Variants in DYRK1A observed in about 807,000 individuals in gnomAD.
The protein encoded by DYRK1A is dual specificity tyrosine-phosphorylation-regulated kinase 1A.
DYRK1A carries 9 observed loss-of-function variants against 79.7 expected under a neutral mutation model. The ratio of observed to expected loss-of-function variants is 0.11; its 90% CI spans 0.07 to 0.20. DYRK1A has a LOEUF of 0.20. Among genes scored for constraint, DYRK1A ranks in the 10% least tolerant of loss-of-function variants. DYRK1A has a pLI of 1.00. For synonymous variants in DYRK1A, 349 were observed against 329.7 expected (o/e 1.06, Z -0.63); for missense variants, 622 against 956.0 (o/e 0.65, Z 4.61).
chr21:37,496,069 A>G (rs2053259200), intron 8 of DYRK1A, 49 bp from the exon 9 acceptor site: 1 of 1,559,984 alleles, frequency 6.4e-7, no homozygotes, highest in Non-Finnish European at 8.7e-7. Context: ...GAGCAGGAGT[A>G]GATGTACAGT....
At chr21:37,410,891 T>C (rs1391627289) in intron 1 of DYRK1A, among the ~76,000 whole-genome samples, 4 of 151,638 alleles carry the variant, frequency 2.6e-5, no homozygotes, top group Non-Finnish European at 5.9e-5. Flanking sequence ...CTACTAAAAA[T>C]AGAAAAAATT....
intron 1 of DYRK1A, among the ~76,000 whole-genome samples, chr21:37,418,704 A>T (rs1050875178): frequency 2.0e-5 from 3 of 152,236 alleles, no homozygotes; most frequent in African/African-American, 7.2e-5. Context: ...TCTTGATTCA[A>T]TTATTTTTAC....
chr21:37,461,069 G>T (rs1050723159), intron 2 of DYRK1A, among the ~76,000 whole-genome samples: 1 of 152,128 alleles, frequency 6.6e-6, no homozygotes. Flanking sequence ...CCCTTTTACT[G>T]TAGGGTTAAG....
chr21:37,461,860 C>CTT (rs113876525), intron 2 of DYRK1A, among the ~76,000 whole-genome samples: 10 of 125,884 alleles, frequency 7.9e-5, no homozygotes, highest in African/African-American at 2.8e-4. Flanking sequence ...TGACTTTTTC[C>CTT]TTTTTTTTTT....
intron 6 of DYRK1A, chr21:37,488,731 T>G (rs1389598543): frequency 5.1e-6 from 5 of 985,294 alleles, no homozygotes; most frequent in Non-Finnish European, 4.8e-6. Context: ...TGGACGAACA[T>G]TGTGATCACA....
At chr21:37,410,319 G>A (rs1292260196) in intron 1 of DYRK1A, among the ~76,000 whole-genome samples, 2 of 152,166 alleles carry the variant, frequency 1.3e-5, no homozygotes, top group Non-Finnish European at 2.9e-5. Context: ...TGTTTCTTCA[G>A]AATGTAGCAA....
At chr21:37,383,955 C>G (rs904154293) in intron 1 of DYRK1A, among the ~76,000 whole-genome samples, 11 of 152,082 alleles carry the variant, frequency 7.2e-5, no homozygotes, top group African/African-American at 2.7e-4. Flanking sequence ...CTGTAAACAT[C>G]TAGAAAACTG....
chr21:37,460,203 G>A (rs2148524228), intron 2 of DYRK1A, among the ~76,000 whole-genome samples: 1 of 152,038 alleles, frequency 6.6e-6, no homozygotes. Context: ...CTAAAATTCG[G>A]CAGATTGTAT....
rs182337437 is a variant in DYRK1A, at chr21:37,427,258, C to T, written c.10+6874C>T. ...TCCCAAGTAGCTAGGACTGCAGGCA[C>T]GTGCTGCCACACCTGGCTAACTTCT... On this transcript the variant is annotated intron_variant, in intron 2 of 11. Coordinates refer to ENST00000647188, the MANE Select transcript of DYRK1A (RefSeq NM_001347721.2). 1.9e-3 allele frequency among the ~76,000 whole-genome samples: 291 copies of T among 152,280 alleles called. 1 individual carries two copies. The highest frequency in any genetic ancestry group is 2.7e-3 in the Non-Finnish European group (186 of 68,012).
chr21:37,503,789 C>G (rs1419699317), intron 9 of DYRK1A: 3 of 152,102 alleles, frequency 2.0e-5, no homozygotes, highest in Non-Finnish European at 4.4e-5. Flanking sequence ...ATGTTGTCCA[C>G]TTTTGAACTA....
At chr21:37,508,923 CCTTT>C (rs1555992780) in intron 11 of DYRK1A, among the ~76,000 whole-genome samples, 1 of 152,188 alleles carries the variant, frequency 6.6e-6, no homozygotes, top group Non-Finnish European at 1.5e-5. Context: ...TGTCTTCTTC[CCTTT>C]CTTTCTTCCA....
At chr21:37,410,344 T>C (rs2050220630) in intron 1 of DYRK1A, among the ~76,000 whole-genome samples, 1 of 152,216 alleles carries the variant, frequency 6.6e-6, no homozygotes, top group African/African-American at 2.4e-5. Context: ...CAGTGTGAAC[T>C]TAAGTTGGTA....
chr21:37,518,779 CTAA>C lies in DYRK1A; in HGVS notation c.*6251_*6253del, dbSNP rs767815451. 6.6e-5 allele frequency: 10 copies of C among 151,438 alleles called. No individual in the cohort carries two copies. The highest frequency in any genetic ancestry group is 1.2e-4 in the Non-Finnish European group (8 of 67,798). The allele number at this position is 151,438 out of a possible 1,614,324, so 9.4% of individuals were successfully genotyped here. On this transcript the variant is annotated 3_prime_UTR_variant, in exon 12 of 12. Coordinates refer to ENST00000647188, the MANE Select transcript of DYRK1A (RefSeq NM_001347721.2). ...TACAGGTGCACACCACCACACCCAG[CTAA>C]TAGTATTTTTGATAGAGAGGGGGTT...
At chr21:37,473,976 C>A (rs2052315013) in intron 3 of DYRK1A, among the ~76,000 whole-genome samples, 1 of 152,168 alleles carries the variant, frequency 6.6e-6, no homozygotes, top group African/African-American at 2.4e-5. Context: ...CACGATGATC[C>A]ATTTGCACTT....
At chr21:37,467,116 AAAAAAC>A (rs983738778) in intron 2 of DYRK1A, among the ~76,000 whole-genome samples, 62 of 151,302 alleles carry the variant, frequency 4.1e-4, no homozygotes, top group African/African-American at 1.4e-3. Context: ...GAAAAAAAAA[AAAAAAC>A]AAAACAAAAA....
chr21:37,472,597 T>C, intron 2 of DYRK1A, 87 bp from the exon 3 acceptor site: 3 of 1,186,716 alleles, frequency 2.5e-6, no homozygotes, highest in Non-Finnish European at 3.5e-6. Context: ...ATCCTAAAGT[T>C]CTTATTTAAG....
intron 1 of DYRK1A, among the ~76,000 whole-genome samples, chr21:37,373,054 G>T (rs1000190901): frequency 2.0e-5 from 3 of 152,158 alleles, no homozygotes; most frequent in African/African-American, 7.2e-5. Context: ...TAACTCCAGT[G>T]CCTGGCACAT....
chr21:37,424,618 G>A (rs2050567727), intron 2 of DYRK1A, among the ~76,000 whole-genome samples: 1 of 152,124 alleles, frequency 6.6e-6, no homozygotes, highest in African/African-American at 2.4e-5. Flanking sequence ...TGAACTTGGA[G>A]CAAATCCAGG....
rs182892439 is a variant in DYRK1A at position 37,397,222 on chromosome 21, G to A, written c.-76-23077G>A. Among the ~76,000 whole-genome samples, 18 of 152,294 alleles carry A rather than the reference G, an allele frequency of 1.2e-4. No homozygotes were observed. The East Asian group carries it at 3.3e-3, about 28-fold the overall frequency. On this transcript the variant is annotated intron_variant, in intron 1 of 11. Coordinates refer to ENST00000647188, the MANE Select transcript of DYRK1A (RefSeq NM_001347721.2). ...CATGTGCTGGGCTACCATTACTATG[G>A]AAGATGATGACTGGAGTCTCTGCCA...
Sources: gnomAD v4.1 joint callset for allele counts (sites outside exome capture counted in the v4.1 genomes callset) on GRCh38, gnomAD v4.1.1 for gene constraint, MANE v1.5 for transcripts, NCBI Gene and HGNC (gene_info 2026-07-23, HGNC 2026-07-21) for gene names.